The following DNAJB4 variants were observed in gnomAD, a reference collection of about 807,000 sequenced individuals.
DNAJB4 encodes DnaJ heat shock protein family (Hsp40) member B4.
In DNAJB4, 10 loss-of-function variants were observed where a neutral mutation model predicts 26.6. The ratio of observed to expected loss-of-function variants is 0.38; its 90% confidence interval spans 0.23 to 0.64. The LOEUF (loss-of-function observed/expected upper bound fraction) is 0.64. Among genes scored for constraint, DNAJB4 ranks in the 30% least tolerant of loss-of-function variants. The probability of loss-of-function intolerance (pLI) is 0.58; values close to 1 mark genes in which losing one functional copy is unlikely to be tolerated. For missense variants in DNAJB4, 328 were observed against 408.2 expected, an observed-to-expected ratio of 0.80 and a Z score of 1.69; for synonymous variants, 136 against 134.8, an observed-to-expected ratio of 1.01 and a Z score of -0.06.
At chr1:78,005,376 T>TCC (rs11384806) in intron 1 of DNAJB4, 55 bp downstream of exon 1, 3 of 1,138,132 alleles carry the variant, frequency 2.6e-6, no homozygotes, top group Non-Finnish European at 3.6e-6. Context: ...TTTTTTTTTT[T>TCC]TCTCTCTCTC....
At chr1:78,007,371 A>G (rs1472023817) in intron 1 of DNAJB4, among the ~76,000 whole-genome samples, 2 of 152,172 alleles carry the variant, frequency 1.3e-5, no homozygotes, top group Admixed American at 6.5e-5. Flanking sequence ...ACCTGAGGTC[A>G]GGAGTTCGAG....
upstream of DNAJB4, among the ~76,000 whole-genome samples, chr1:77,979,953 G>C (rs1161586056): frequency 6.6e-6 from 1 of 152,068 alleles, no homozygotes; most frequent in African/African-American, 2.4e-5. Flanking sequence ...CGCGGTCTCG[G>C]CTCACTGCAT....
In DNAJB4 at chr1:78,016,017, T is replaced by C; in HGVS notation, c.784T>C (p.Leu262=). Residue 262 remains leucine, a synonymous_variant, in exon 3 of 3, where the codon TTG becomes CTG. Coordinates refer to ENST00000370763, the MANE Select transcript of DNAJB4 (RefSeq NM_007034.5). ...TATTTTATTTGGTCCATTTTAGGCA[T>C]TGTGTGGCTGCTCAATTAATGTACC... is the stretch of plus-strand genomic sequence containing the variant. ...YTAKISLREA[L]CGCSINVPTL... 2 of 1,613,452 alleles carry C rather than the reference T, an allele frequency of 1.2e-6. No homozygotes were observed. Among genetic ancestry groups the C allele is most frequent in the Non-Finnish European group, 1.7e-6 (2 of 1,179,600 alleles).
intron 1 of DNAJB4, chr1:77,981,392 C>T (rs1444763399): frequency 6.6e-6 from 1 of 152,098 alleles, no homozygotes; most frequent in Non-Finnish European, 1.5e-5. Flanking sequence ...TCTCGGCTCA[C>T]TGTAACCTCT....
At position 78,016,005 on chromosome 1, in the gene DNAJB4, C is replaced by T; in HGVS notation, c.781-9C>T. 1.2e-6 allele frequency: 2 copies of T among 1,606,180 alleles called. No individual in the cohort carries two copies. The highest frequency in any genetic ancestry group is 1.7e-4 in the Middle Eastern group (1 of 6,028). ...GTGTTTTCATTTTATTTTATTTGGT[C>T]CATTTTAGGCATTGTGTGGCTGCTC... On this transcript the variant is annotated splice_polypyrimidine_tract_variant and intron_variant, in intron 2 of 2. Transcript: ENST00000370763.
At chr1:77,997,937 G>A (rs757347302) in intron 1 of DNAJB4, among the ~76,000 whole-genome samples, 5 of 151,956 alleles carry the variant, frequency 3.3e-5, no homozygotes, top group Non-Finnish European at 7.4e-5. Context: ...ACAGGTGCAC[G>A]CCACCATGCC....
At chr1:78,009,719 T>C (rs1338513077) in intron 1 of DNAJB4, among the ~76,000 whole-genome samples, 1 of 152,204 alleles carries the variant, frequency 6.6e-6, no homozygotes, top group Non-Finnish European at 1.5e-5. Flanking sequence ...TTTTTCTTTT[T>C]TTTGTTGTTT....
In DNAJB4 at chr1:78,017,494, ATTAC is replaced by A. The variant is rs2102619142; in HGVS notation, c.*1250_*1253del. On this transcript the variant is annotated 3_prime_UTR_variant, in exon 3 of 3. Coordinates refer to ENST00000370763, the MANE Select transcript of DNAJB4 (RefSeq NM_007034.5). ...ATAGGTTATAATAGCCATATTCTTT[ATTAC>A]TTTATTGAGATATAATTTACATGCC... 6.6e-6 allele frequency: 1 copy of A among 152,064 alleles called. No individual in the cohort carries two copies. The highest frequency in any genetic ancestry group is 1.5e-5 in the Non-Finnish European group (1 of 67,894). The allele number at this position is 152,064 out of a possible 1,614,324, so 9.4% of individuals were successfully genotyped here.
At chr1:77,991,628 A>G (rs1404552603) in intron 1 of DNAJB4, among the ~76,000 whole-genome samples, 1 of 152,178 alleles carries the variant, frequency 6.6e-6, no homozygotes, top group Non-Finnish European at 1.5e-5. Flanking sequence ...TGAACAAGTC[A>G]GTGGTCTGCC....
At chr1:78,004,757 T>C (rs1208907442), upstream of DNAJB4, 1 of 211,672 alleles carries the variant, frequency 4.7e-6, no homozygotes, top group Admixed American at 5.3e-5. Context: ...GGAAAATGAA[T>C]AGTTAATCGT....
chr1:77,987,437 A>C (rs1418295052), intron 1 of DNAJB4, among the ~76,000 whole-genome samples: 1 of 151,784 alleles, frequency 6.6e-6, no homozygotes, highest in African/African-American at 2.4e-5. Context: ...CTAATTTTTA[A>C]ATTTTTTGTA....
rs1384711533 is a variant in DNAJB4, at chr1:78,006,991, A to C, written c.211+1670A>C. Among the ~76,000 whole-genome samples, 4 of 152,294 alleles carry C rather than the reference A, an allele frequency of 2.6e-5. No individual in the cohort carries two copies. In the East Asian group the frequency reaches 7.7e-4, roughly 29 times the overall value. On this transcript the variant is annotated intron_variant, in intron 1 of 2. Transcript: ENST00000370763. ...CCATTGGATCCAGGGTTTAGTAAGG[A>C]TATTTGTCTTCAGAATTTTCAAGTC...
At chr1:77,982,641 T>C (rs986422293) in intron 1 of DNAJB4, among the ~76,000 whole-genome samples, 1 of 152,012 alleles carries the variant, frequency 6.6e-6, no homozygotes, top group African/African-American at 2.4e-5. Context: ...CTACTAAAAA[T>C]ACAAAAATTA....
chr1:78,007,879 T>TC (rs1245978464), intron 1 of DNAJB4, among the ~76,000 whole-genome samples: 2 of 151,950 alleles, frequency 1.3e-5, no homozygotes, highest in South Asian at 2.1e-4. Context: ...TTCTTCCCGC[T>TC]CCCCCCAAGT....
At position 78,011,588 on chromosome 1, in the gene DNAJB4, G is replaced by A. The variant is rs536926354; in HGVS notation, c.212-1463G>A. 3.7e-4 allele frequency among the ~76,000 whole-genome samples: 56 copies of A among 151,330 alleles called. No individual in the cohort carries two copies. In the South Asian group the frequency reaches 0.01, roughly 28 times the overall value. On this transcript the variant is annotated intron_variant, in intron 1 of 2. Coordinates refer to ENST00000370763, the MANE Select transcript of DNAJB4 (RefSeq NM_007034.5). Reference sequence around the variant, plus strand: ...TAACCTCTGCCTCCCAGGTTCAAGCGATTCTCCTGCCTCAGCCTCCCAAGT... The same window carrying A: ...TAACCTCTGCCTCCCAGGTTCAAGCAATTCTCCTGCCTCAGCCTCCCAAGT...
intron 1 of DNAJB4, 49 bp downstream of exon 1, chr1:78,005,370 T>TC (rs1660305052): frequency 1.5e-6 from 2 of 1,379,074 alleles, no homozygotes; most frequent in African/African-American, 5.2e-5. Flanking sequence ...TGTCTCTTTT[T>TC]TTTTTTTCTC....
Position 78,013,631 on chromosome 1 carries a change from G to A in DNAJB4, c.780+12G>A. ...TTAGTTTACGAGAGGTAAGTTGGTA[G>A]GACCTAAAATCCTAAGACCAAATAA... On this transcript the variant is annotated intron_variant, in intron 2 of 2. Coordinates refer to ENST00000370763, the MANE Select transcript of DNAJB4 (RefSeq NM_007034.5). 1 of 1,551,038 alleles carries A rather than the reference G, an allele frequency of 6.4e-7. No individual in the cohort carries two copies. The highest frequency in any genetic ancestry group is 8.7e-7 in the Non-Finnish European group (1 of 1,155,960).
Position 78,013,235 on chromosome 1 carries a change from T to C in DNAJB4, c.396T>C (p.Phe132=). The change falls in exon 2 of 3, where the codon TTT becomes TTC. Residue 132 remains phenylalanine, a synonymous_variant. Coordinates refer to ENST00000370763, the MANE Select transcript of DNAJB4 (RefSeq NM_007034.5). ...SEEMEIDGDP[F]SAFGFSMNGY... is the part of the protein sequence containing the mutation. ...AAATGGAAATAGATGGTGATCCTTT[T>C]AGTGCCTTTGGTTTCAGCATGAATG... 6.2e-7 allele frequency: 1 copy of C among 1,614,242 alleles called. No individual in the cohort carries two copies.
intron 1 of DNAJB4, among the ~76,000 whole-genome samples, chr1:78,009,589 AC>A (rs1413338459): frequency 6.6e-6 from 1 of 152,270 alleles, no homozygotes; most frequent in Admixed American, 6.5e-5. Flanking sequence ...TTCAAAATGT[AC>A]ATGATTAAGA....
Sources: allele counts gnomAD v4.1 joint callset (sites outside exome capture counted in the v4.1 genomes callset), GRCh38; gene constraint gnomAD v4.1.1; transcripts MANE v1.5; gene names NCBI Gene and HGNC (gene_info 2026-07-23, HGNC 2026-07-21).